The following STARD13 variants were observed in gnomAD, a reference collection of about 807,000 sequenced individuals.
STARD13 encodes the protein StAR related lipid transfer domain containing 13.
A neutral mutation model predicts 106.4 loss-of-function variants in STARD13; 62 were observed. The observed-to-expected ratio is 0.58, with a 90% CI of 0.48 to 0.72. The LOEUF (loss-of-function observed/expected upper bound fraction) is 0.72. Ranked by LOEUF, STARD13 falls within the 30% of genes least tolerant of loss-of-function variation. STARD13 has a pLI of 0.00. For synonymous variants in STARD13, 565 were observed against 553.0 expected, an observed-to-expected ratio of 1.02 and a Z score of -0.31; for missense variants, 1,387 against 1,424.0, an observed-to-expected ratio of 0.97 and a Z score of 0.42.
chr13:33,547,173 A>G, the STARD13 span, among the ~76,000 whole-genome samples: 1 of 152,180 alleles, frequency 6.6e-6, no homozygotes, highest in Non-Finnish European at 1.5e-5. Flanking sequence ...AGAATTAGTC[A>G]TTAACTTTAC....
chr13:33,577,602 G>A, the STARD13 span, among the ~76,000 whole-genome samples: 1 of 152,120 alleles, frequency 6.6e-6, no homozygotes, highest in South Asian at 2.1e-4. Flanking sequence ...TTTGACAAGA[G>A]TGAAGACAAT....
the STARD13 span, among the ~76,000 whole-genome samples, chr13:33,360,724 G>GGAATCCTTCTGTGTC: frequency 7.2e-6 from 1 of 137,948 alleles, no homozygotes. Context: ...GTAGACAGAA[G>GGAATCCTTCTGTGTC]GACATATTGT....
chr13:33,265,798 G>A (rs1030497177), intron 1 of STARD13, among the ~76,000 whole-genome samples: 1 of 152,108 alleles, frequency 6.6e-6, no homozygotes, highest in Non-Finnish European at 1.5e-5. Flanking sequence ...AATTACTGAT[G>A]ACACAAATCA....
chr13:33,253,633 C>T (rs952511036), intron 1 of STARD13, among the ~76,000 whole-genome samples: 3 of 152,180 alleles, frequency 2.0e-5, no homozygotes, highest in Admixed American at 2.0e-4. Context: ...GCAGGGATGC[C>T]TTCTCGGCCA....
the STARD13 span, among the ~76,000 whole-genome samples, chr13:33,484,392 T>G: frequency 6.6e-6 from 1 of 152,186 alleles, no homozygotes; most frequent in African/African-American, 2.4e-5. Context: ...AACATGACTA[T>G]TGTAGAATCT....
chr13:33,362,185 G>T, the STARD13 span, among the ~76,000 whole-genome samples: 1 of 152,110 alleles, frequency 6.6e-6, no homozygotes, highest in Non-Finnish European at 1.5e-5. Context: ...CTTGGCTTCT[G>T]GTGAGGGCCT....
At chr13:33,173,701 T>C (rs1337729383) in intron 1 of STARD13, among the ~76,000 whole-genome samples, 2 of 152,246 alleles carry the variant, frequency 1.3e-5, no homozygotes, top group East Asian at 3.8e-4. Flanking sequence ...TTGGAATGAA[T>C]TTGGGATTAT....
intron 8 of STARD13, chr13:33,117,759 T>C: frequency 1.1e-6 from 1 of 940,440 alleles, no homozygotes; most frequent in African/African-American, 1.8e-5. Context: ...ACAACTTCTA[T>C]TGTGTCCCTT....
the STARD13 span, among the ~76,000 whole-genome samples, chr13:33,418,200 C>T: frequency 1.3e-5 from 2 of 152,218 alleles, no homozygotes; most frequent in Non-Finnish European, 2.9e-5. Flanking sequence ...GAAGCCGTGA[C>T]AGACTGTTCC....
At chr13:33,455,438 G>A in the STARD13 span, among the ~76,000 whole-genome samples, 1 of 152,138 alleles carries the variant, frequency 6.6e-6, no homozygotes, top group Non-Finnish European at 1.5e-5. Flanking sequence ...ACCCAGAAGT[G>A]AAGCCAGGCT....
rs59306930 is a variant in STARD13 at position 33,206,366 on chromosome 13, AACACAC to A, written c.170-38750_170-38745del. On this transcript the variant is annotated intron_variant, in intron 1 of 13. Transcript: ENST00000336934. ...CTCGAAAGAAGATGCCCATGACTGAAACACACACACACACACACACACACACACACC... is the reference window on the plus strand; with the variant it reads ...CTCGAAAGAAGATGCCCATGACTGAAACACACACACACACACACACACACC... Among the ~76,000 whole-genome samples, 507 of 149,508 alleles carry A rather than the reference AACACAC, an allele frequency of 3.4e-3. 5 individuals are homozygous for A. The highest frequency in any genetic ancestry group is 0.012 in the African/African-American group (472 of 40,786).
intron 1 of STARD13, among the ~76,000 whole-genome samples, chr13:33,228,440 G>GTT (rs142111688): frequency 2.3e-4 from 34 of 148,360 alleles, no homozygotes; most frequent in African/African-American, 6.4e-4. Flanking sequence ...CATTTACAGT[G>GTT]TTTTTTTTTT....
the STARD13 span, among the ~76,000 whole-genome samples, chr13:33,356,605 T>C: frequency 2.0e-5 from 3 of 152,248 alleles, no homozygotes; most frequent in African/African-American, 7.2e-5. Context: ...GGGATTATAA[T>C]AATGCTTCCC....
At chr13:33,347,001 A>G (rs2078024469), downstream of STARD13, among the ~76,000 whole-genome samples, 5 of 152,234 alleles carry the variant, frequency 3.3e-5, no homozygotes, top group Admixed American at 3.3e-4. Flanking sequence ...TAGTAAGAAG[A>G]AAATTTTAGG....
the STARD13 span, among the ~76,000 whole-genome samples, chr13:33,387,057 G>A: frequency 6.6e-6 from 1 of 152,176 alleles, no homozygotes; most frequent in Non-Finnish European, 1.5e-5. Flanking sequence ...CCAGGATGAA[G>A]TGCAGTAGTG....
At chr13:33,661,758 A>G in the STARD13 span, among the ~76,000 whole-genome samples, 1 of 152,100 alleles carries the variant, frequency 6.6e-6, no homozygotes, top group Non-Finnish European at 1.5e-5. Context: ...TGCCCTTAAC[A>G]CATGGGGATT....
the STARD13 span, among the ~76,000 whole-genome samples, chr13:33,396,572 T>G: frequency 1.3e-5 from 2 of 152,188 alleles, no homozygotes; most frequent in Non-Finnish European, 2.9e-5. Context: ...AACTGTTATA[T>G]TATTCTACCC....
At chr13:33,378,976 G>T in the STARD13 span, among the ~76,000 whole-genome samples, 1 of 151,934 alleles carries the variant, frequency 6.6e-6, no homozygotes, top group Non-Finnish European at 1.5e-5. Flanking sequence ...CAGGTGTGAT[G>T]GCATTTGCCT....
intron 1 of STARD13, among the ~76,000 whole-genome samples, chr13:33,258,947 G>A (rs1890503162): frequency 6.6e-6 from 1 of 152,204 alleles, no homozygotes; most frequent in African/African-American, 2.4e-5. Context: ...ACATCTTTCT[G>A]TTCTATCTTT....
Sources: allele counts gnomAD v4.1 joint callset (sites outside exome capture counted in the v4.1 genomes callset), GRCh38; gene constraint gnomAD v4.1.1; transcripts MANE v1.5; gene names NCBI Gene and HGNC (gene_info 2026-07-23, HGNC 2026-07-21).